The following BMP8A variants were observed in gnomAD, a reference collection of about 807,000 sequenced individuals.
The protein encoded by BMP8A is BMP-8A.
In BMP8A, 14 loss-of-function variants were observed where a neutral mutation model predicts 36.8. That is an observed-to-expected ratio of 0.38 (90% CI 0.25 to 0.60). The LOEUF (loss-of-function observed/expected upper bound fraction) is 0.60. BMP8A is among the 20% of genes least tolerant of loss of function. BMP8A has a pLI of 0.63. For missense variants in BMP8A, 267 were observed against 551.1 expected (o/e 0.48, Z 5.16); for synonymous variants, 120 against 237.7 (o/e 0.50, Z 4.55).
chr1:39,508,628 A>G (rs1181232617), intron 1 of BMP8A, among the ~76,000 whole-genome samples: 1 of 152,192 alleles, frequency 6.6e-6, no homozygotes, highest in African/African-American at 2.4e-5. Context: ...ACAGGGGAAA[A>G]TCTGGGTCCC....
intron 3 of BMP8A, among the ~76,000 whole-genome samples, chr1:39,514,549 G>A (rs1190047729): frequency 6.6e-6 from 1 of 150,896 alleles, no homozygotes; most frequent in African/African-American, 2.4e-5. Context: ...GTTCATGAGC[G>A]TCGGTGTCAC....
intron 1 of BMP8A, among the ~76,000 whole-genome samples, chr1:39,499,039 C>G (rs368726585): frequency 6.6e-6 from 1 of 152,192 alleles, no homozygotes; most frequent in African/African-American, 2.4e-5. Context: ...ACACAGCGGC[C>G]GATGAGCTGA....
chr1:39,499,500 G>A (rs1400511156), intron 1 of BMP8A, among the ~76,000 whole-genome samples: 2 of 152,216 alleles, frequency 1.3e-5, no homozygotes, highest in Non-Finnish European at 2.9e-5. Context: ...GTCTGAGTGA[G>A]ACTAAATTGC....
chr1:39,525,958 T>G lies in BMP8A; in HGVS notation c.*160T>G. On this transcript the variant is annotated 3_prime_UTR_variant, in exon 7 of 7. Coordinates refer to ENST00000331593, the MANE Select transcript of BMP8A (RefSeq NM_181809.4). ...AGGCTTCTGGTCCTTTCTCGGTACC[T>G]CTGTGCCCCTCCCCTGGGGTTTGTG... 8.0e-7 allele frequency: 1 copy of G among 1,252,898 alleles called. No individual in the cohort carries two copies. The highest frequency in any genetic ancestry group is 1.1e-6 in the Non-Finnish European group (1 of 917,780). The allele number at this position is 1,252,898 out of a possible 1,614,324, so 77.6% of individuals were successfully genotyped here.
rs1049952412 is a variant in BMP8A, at chr1:39,527,190, A to AAAG, written c.*1395_*1397dup. ...GTCCTGTGTCTTGGGTCTGTGAGTC[A>AAAG]AAGAAAAGGTCCCTGTCCCAGGGAG... On this transcript the variant is annotated 3_prime_UTR_variant, in exon 7 of 7. Transcript: ENST00000331593. 2.6e-5 allele frequency among the ~76,000 whole-genome samples: 4 copies of AAAG among 152,168 alleles called. No homozygotes were observed. The highest frequency in any genetic ancestry group is 2.0e-4 in the Admixed American group (3 of 15,286).
chr1:39,497,405 A>T (rs1645214689), intron 1 of BMP8A, among the ~76,000 whole-genome samples: 1 of 152,218 alleles, frequency 6.6e-6, no homozygotes, highest in Non-Finnish European at 1.5e-5. Flanking sequence ...TAGGAACTTC[A>T]CAAATGGGGG....
In BMP8A at chr1:39,528,745, C is replaced by T. The variant is rs1468976898; in HGVS notation, c.*2947C>T. 1.3e-5 allele frequency among the ~76,000 whole-genome samples: 2 copies of T among 151,548 alleles called. No homozygotes were observed. The highest frequency in any genetic ancestry group is 4.9e-5 in the African/African-American group (2 of 41,186). ...GACATACATGGTCTTGCTTTGTCGC[C>T]CAGGCTGGAGTGCAGTGGCAGTGTC... On this transcript the variant is annotated 3_prime_UTR_variant, in exon 7 of 7. Coordinates refer to ENST00000331593, the MANE Select transcript of BMP8A (RefSeq NM_181809.4).
intron 1 of BMP8A, among the ~76,000 whole-genome samples, chr1:39,506,395 G>T (rs1257169825): frequency 6.6e-6 from 1 of 151,930 alleles, no homozygotes. Flanking sequence ...TTTTAGTAGA[G>T]ACAGGGTTTC....
chr1:39,529,243 C>T lies in BMP8A; in HGVS notation c.*3445C>T, dbSNP rs1456737111. Reference sequence around the variant, plus strand: ...TTGGGCGTTCCTTGTGTGCCTTCCTCATAAAACCCACTCCTCCCAGAATAT... The same window carrying T: ...TTGGGCGTTCCTTGTGTGCCTTCCTTATAAAACCCACTCCTCCCAGAATAT... On this transcript the variant is annotated 3_prime_UTR_variant, in exon 7 of 7. Transcript: ENST00000331593. 1 of 152,236 alleles carries T rather than the reference C, an allele frequency of 6.6e-6. No homozygotes were observed. The highest frequency in any genetic ancestry group is 1.5e-5 in the Non-Finnish European group (1 of 68,050). 9.4% of individuals were successfully genotyped at this position (152,236 alleles called of 1,614,324 possible).
rs143803708 is a variant in BMP8A, at chr1:39,522,372, A to G, written c.869-31A>G. ...AGTAGCTGCACACAGCAGGAACCCC[A>G]GAAAAGACCTTGCCCCTTCTGTCCC... is the stretch of plus-strand genomic sequence containing the variant. On this transcript the variant is annotated intron_variant, in intron 4 of 6. Transcript: ENST00000331593. 1.2e-3 allele frequency: 1,825 copies of G among 1,487,906 alleles called. 73 individuals carry two copies. The East Asian group carries it at 0.037, about 30-fold the overall frequency. The allele number at this position is 1,487,906 out of a possible 1,614,324, so 92.2% of individuals were successfully genotyped here. A position where few individuals can be genotyped will look rare whatever the true frequency, so the allele number is the denominator to read the frequency against.
chr1:39,507,267 T>C (rs1490951742), intron 1 of BMP8A, among the ~76,000 whole-genome samples: 6 of 152,110 alleles, frequency 3.9e-5, no homozygotes, highest in Non-Finnish European at 7.4e-5. Flanking sequence ...GCCCTGGAAT[T>C]AACTTCCCAA....
Position 39,492,308 on chromosome 1 carries a change from T to TG in BMP8A, c.318dup (p.Ser107GlufsTer25), listed in dbSNP as rs774646911. ...CGCCTGGGCCGCGCCGACCTGGTCATGAGCTTCGTCAACATGGGTGAGTGC... is the reference window on the plus strand; with the variant it reads ...CGCCTGGGCCGCGCCGACCTGGTCATGGAGCTTCGTCAACATGGGTGAGTGC... On this transcript the variant is annotated frameshift_variant, in exon 1 of 7. Coordinates refer to ENST00000331593, the MANE Select transcript of BMP8A (RefSeq NM_181809.4). LOFTEE classifies it high-confidence loss of function. The TG allele has an allele frequency of 6.4e-7, 1 of 1,562,102 alleles. No individual in the cohort carries two copies.
intron 1 of BMP8A, among the ~76,000 whole-genome samples, chr1:39,508,344 C>T (rs1202073023): frequency 6.6e-6 from 1 of 152,340 alleles, no homozygotes; most frequent in African/African-American, 2.4e-5. Context: ...TTCTGATGGT[C>T]CTGGCTGGGT....
chr1:39,501,013 G>C (rs1201034743), intron 1 of BMP8A, among the ~76,000 whole-genome samples: 5 of 152,250 alleles, frequency 3.3e-5, no homozygotes, highest in Admixed American at 3.3e-4. Flanking sequence ...CTGGGCAGCT[G>C]CATCTGGTGA....
At chr1:39,506,447 T>A (rs1645302043) in intron 1 of BMP8A, among the ~76,000 whole-genome samples, 1 of 151,978 alleles carries the variant, frequency 6.6e-6, no homozygotes, top group Non-Finnish European at 1.5e-5. Flanking sequence ...GACCTCATGA[T>A]CCACCCGCCT....
intron 3 of BMP8A, among the ~76,000 whole-genome samples, chr1:39,514,781 G>GCCGGCCCCCT (rs1224587654): frequency 6.6e-6 from 1 of 152,218 alleles, no homozygotes; most frequent in Admixed American, 6.5e-5. Context: ...CCAGGGCGGA[G>GCCGGCCCCCT]CCGGCCCCCT....
intron 6 of BMP8A, 144 bp from the exon 7 acceptor site, chr1:39,525,505 G>T: frequency 8.4e-7 from 1 of 1,192,778 alleles, no homozygotes; most frequent in Middle Eastern, 2.9e-4. Flanking sequence ...TCTTATTCCT[G>T]TTAATAATTC....
Position 39,492,272 on chromosome 1 carries a change from C to T in BMP8A, c.281C>T (p.Pro94Leu), listed in dbSNP as rs559753532. The T allele has an allele frequency of 5.7e-5, 89 of 1,561,976 alleles. 2 individuals are homozygous for T. In the South Asian group the frequency reaches 9.6e-4, roughly 17 times the overall value. ...MAGDDDEDGAPAEQRLGRADL... is the reference protein window; with the variant it reads ...MAGDDDEDGALAEQRLGRADL... ...GGCGACGACGACGAGGACGGCGCGC[C>T]CGCGGAGCAGCGCCTGGGCCGCGCC... The change falls in exon 1 of 7, where the codon CCC becomes CTC. Residue 94 changes from proline (P) to leucine (L), a missense_variant. By Grantham distance (98) the Pro-to-Leu change is moderately conservative (BLOSUM62 -3). Coordinates refer to ENST00000331593, the MANE Select transcript of BMP8A (RefSeq NM_181809.4).
In BMP8A at chr1:39,491,820, G is replaced by C. The variant is rs1160472311; in HGVS notation, c.-172G>C. 9 of 420,350 alleles carry C rather than the reference G, an allele frequency of 2.1e-5. No homozygotes were observed. Among genetic ancestry groups the C allele is most frequent in the Non-Finnish European group, 2.6e-5 (8 of 306,612 alleles). The allele number at this position is 420,350 out of a possible 1,614,324, so 26.0% of individuals were successfully genotyped here. A position where few individuals can be genotyped will look rare whatever the true frequency, so the allele number is the denominator to read the frequency against. ...TCAGCGTCCGCTTGTCCCGGAGCCG[G>C]GGCAGGTGCGCGCGGGGGGCGCTCC... On this transcript the variant is annotated 5_prime_UTR_variant, in exon 1 of 7. Coordinates refer to ENST00000331593, the MANE Select transcript of BMP8A (RefSeq NM_181809.4).
Sources: gnomAD v4.1 joint callset for allele counts (sites outside exome capture counted in the v4.1 genomes callset) on GRCh38, gnomAD v4.1.1 for gene constraint, MANE v1.5 for transcripts, NCBI Gene and HGNC (gene_info 2026-07-23, HGNC 2026-07-21) for gene names.